The following EYA2 variants were observed in gnomAD, a reference collection of about 807,000 sequenced individuals.
EYA2 encodes the protein protein phosphatase EYA2.
Under a neutral mutation model 69.2 loss-of-function variants are expected in EYA2, and 31 were observed. The observed-to-expected ratio is 0.45, with a 90% CI of 0.34 to 0.60. The LOEUF (loss-of-function observed/expected upper bound fraction) is 0.60, where lower values mean the gene tolerates loss of function less well. Among genes scored for constraint, EYA2 ranks in the 20% least tolerant of loss-of-function variants. EYA2 has a pLI of 0.02. For synonymous variants in EYA2, 257 were observed against 279.4 expected (o/e 0.92, Z 0.80); for missense variants, 622 against 701.2 (o/e 0.89, Z 1.28).
At chr20:46,926,811 A>T (rs1402099988) in intron 1 of EYA2, among the ~76,000 whole-genome samples, 1 of 152,240 alleles carries the variant, frequency 6.6e-6, no homozygotes, top group Non-Finnish European at 1.5e-5. Flanking sequence ...CTAATTAAAA[A>T]TAAATGCAAC....
Position 47,121,924 on chromosome 20 carries a change from G to A in EYA2, c.889-21135G>A, listed in dbSNP as rs375500077. Among the ~76,000 whole-genome samples the A allele has an allele frequency of 5.3e-5, 8 of 152,228 alleles. No homozygotes were observed. The East Asian group carries it at 1.2e-3, about 22-fold the overall frequency. Reference sequence around the variant, plus strand: ...CCCTCAAACTTGCCCTCCAACCCCAGCTCCTTCCTCGGCCAGACATCACAC... The same window carrying A: ...CCCTCAAACTTGCCCTCCAACCCCAACTCCTTCCTCGGCCAGACATCACAC... On this transcript the variant is annotated intron_variant, in intron 9 of 15. Transcript: ENST00000327619.
chr20:46,907,756 T>C (rs1984432489), intron 1 of EYA2, among the ~76,000 whole-genome samples: 1 of 152,074 alleles, frequency 6.6e-6, no homozygotes, highest in Non-Finnish European at 1.5e-5. Flanking sequence ...GGAGAGTTGC[T>C]TGAGCCCAGG....
At chr20:47,053,667 C>CAAAAAAA (rs1215223667) in intron 5 of EYA2, among the ~76,000 whole-genome samples, 54 of 66,804 alleles carry the variant, frequency 8.1e-4, no homozygotes, top group African/African-American at 3.0e-3. Flanking sequence ...GACCTTGTCT[C>CAAAAAAA]AAAAAAAAAA....
intron 10 of EYA2, among the ~76,000 whole-genome samples, chr20:47,148,903 C>T (rs923353587): frequency 1.3e-5 from 2 of 152,084 alleles, no homozygotes; most frequent in Non-Finnish European, 2.9e-5. Flanking sequence ...CCTAGGTCTG[C>T]GGCCTCTGTC....
chr20:47,107,584 T>C (rs2032625088), intron 9 of EYA2, among the ~76,000 whole-genome samples: 1 of 151,002 alleles, frequency 6.6e-6, no homozygotes, highest in Non-Finnish European at 1.5e-5. Context: ...TGTACCCCTG[T>C]AATCCCAGCA....
intron 9 of EYA2, among the ~76,000 whole-genome samples, chr20:47,140,063 G>A (rs1255682899): frequency 6.6e-6 from 1 of 152,184 alleles, no homozygotes; most frequent in African/African-American, 2.4e-5. Context: ...CAGCAAACAA[G>A]TCTGGGTGGC....
chr20:47,176,636 A>G (rs6124962), intron 12 of EYA2, among the ~76,000 whole-genome samples: 5 of 152,364 alleles, frequency 3.3e-5, no homozygotes, highest in South Asian at 2.1e-4. Flanking sequence ...ATTCAACTGC[A>G]TAAGTAAAAG....
At chr20:46,980,359 CCAGAGA>C (rs1980751471) in intron 1 of EYA2, among the ~76,000 whole-genome samples, 1 of 152,184 alleles carries the variant, frequency 6.6e-6, no homozygotes, top group Non-Finnish European at 1.5e-5. Context: ...GCCTCAAACA[CCAGAGA>C]CTGGCCTCTC....
At chr20:47,051,218 G>T (rs1454834264) in intron 5 of EYA2, among the ~76,000 whole-genome samples, 1 of 152,254 alleles carries the variant, frequency 6.6e-6, no homozygotes, top group East Asian at 1.9e-4. Flanking sequence ...CGCCATTGCA[G>T]TGTATGCACG....
chr20:46,926,325 G>A (rs1260544348), intron 1 of EYA2, among the ~76,000 whole-genome samples: 1 of 152,218 alleles, frequency 6.6e-6, no homozygotes, highest in African/African-American at 2.4e-5. Context: ...GAAATCTCAT[G>A]ATCTGCCATT....
rs11473019 is a variant in EYA2 at position 46,912,687 on chromosome 20, A to ATTTTTT, written c.-11+17709_-11+17714dup. Among the ~76,000 whole-genome samples, 301 of 145,760 alleles carry ATTTTTT rather than the reference A, an allele frequency of 2.1e-3. 1 individual carries two copies. Among genetic ancestry groups the ATTTTTT allele is most frequent in the African/African-American group, 6.1e-3 (241 of 39,638 alleles). On this transcript the variant is annotated intron_variant, in intron 1 of 15. Coordinates refer to ENST00000327619, the MANE Select transcript of EYA2 (RefSeq NM_005244.5). The stretch of plus-strand genomic sequence containing the variant: ...GTAGAACAGGGAAGAGGAATTTTTA[A>ATTTTTT]TTTTTTTTTTTTTTCTTTTTTTTTG...
intron 10 of EYA2, 71 bp downstream of exon 10, chr20:47,143,219 A>C: frequency 7.9e-7 from 1 of 1,262,386 alleles, no homozygotes. Context: ...GGGAAGAAGG[A>C]TGCTGCCTTT....
At chr20:47,126,858 A>G (rs1031208442) in intron 9 of EYA2, among the ~76,000 whole-genome samples, 1 of 152,170 alleles carries the variant, frequency 6.6e-6, no homozygotes, top group Admixed American at 6.5e-5. Flanking sequence ...ATGCTGCTCA[A>G]ATTCCTACAA....
chr20:46,940,428 C>T (rs1986105140), intron 1 of EYA2, among the ~76,000 whole-genome samples: 2 of 152,174 alleles, frequency 1.3e-5, no homozygotes, highest in East Asian at 1.9e-4. Context: ...AGCCAGGATT[C>T]AGACCCCAGG....
At chr20:47,078,316 C>CGT (rs1284756265) in intron 7 of EYA2, among the ~76,000 whole-genome samples, 2 of 94,964 alleles carry the variant, frequency 2.1e-5, no homozygotes, top group African/African-American at 1.0e-4. Flanking sequence ...CACATGTGCA[C>CGT]GTGCGCGCGC....
intron 4 of EYA2, among the ~76,000 whole-genome samples, chr20:47,013,858 C>T (rs1235541505): frequency 2.0e-5 from 3 of 152,198 alleles, no homozygotes; most frequent in African/African-American, 7.2e-5. Context: ...TTGCTTGTTG[C>T]TGCCATCATT....
chr20:46,961,353 A>T (rs1348017222), intron 1 of EYA2, among the ~76,000 whole-genome samples: 7 of 152,186 alleles, frequency 4.6e-5, no homozygotes, highest in Admixed American at 2.0e-4. Context: ...AATTTATTTT[A>T]AAAAATAGAA....
intron 1 of EYA2, among the ~76,000 whole-genome samples, chr20:46,955,913 A>G (rs1423781131): frequency 6.6e-6 from 1 of 152,214 alleles, no homozygotes; most frequent in Non-Finnish European, 1.5e-5. Flanking sequence ...CTCCATTTCA[A>G]CTACTCAGTT....
chr20:46,990,235 TC>T, intron 2 of EYA2, 116 bp downstream of exon 2: 2 of 540,672 alleles, frequency 3.7e-6, no homozygotes, highest in Non-Finnish European at 3.5e-6. Flanking sequence ...GGACAATTTC[TC>T]CCCCTGCCAT....
Sources: allele counts gnomAD v4.1 joint callset (sites outside exome capture counted in the v4.1 genomes callset), GRCh38; gene constraint gnomAD v4.1.1; transcripts MANE v1.5; gene names NCBI Gene and HGNC (gene_info 2026-07-23, HGNC 2026-07-21).